Variants in SPRED3 observed in about 807,000 individuals in gnomAD.
SPRED3 encodes sprouty-related, EVH1 domain-containing protein 3.
SPRED3 carries 23 observed loss-of-function variants against 37.6 expected under a neutral mutation model. The ratio of observed to expected loss-of-function variants is 0.61; its 90% CI spans 0.44 to 0.87. The LOEUF (loss-of-function observed/expected upper bound fraction) is 0.87. Ranked by LOEUF, SPRED3 falls within the 40% of genes least tolerant of loss-of-function variation. The pLI, the probability that SPRED3 is intolerant of heterozygous loss-of-function variation, is 0.00. For synonymous variants in SPRED3, 302 were observed against 279.6 expected, an observed-to-expected ratio of 1.08 and a Z score of -0.80; for missense variants, 584 against 618.6, an observed-to-expected ratio of 0.94 and a Z score of 0.59.
At chr19:38,389,468 A>G (rs1478035237) in intron 1 of SPRED3, 1 of 139,584 alleles carries the variant, frequency 7.2e-6, no homozygotes, top group African/African-American at 2.7e-5. Flanking sequence ...GGCGGGGTAA[A>G]ATGGTTCTGA....
intron 1 of SPRED3, among the ~76,000 whole-genome samples, chr19:38,389,075 C>T (rs1320184264): frequency 1.3e-5 from 2 of 152,236 alleles, no homozygotes; most frequent in Non-Finnish European, 2.9e-5. Flanking sequence ...GGACCACTCC[C>T]CCCGGGGGAC....
chr19:38,394,590 G>T, intron 4 of SPRED3, 53 bp from the exon 5 acceptor site: 1 of 1,556,108 alleles, frequency 6.4e-7, no homozygotes, highest in Non-Finnish European at 8.7e-7. Flanking sequence ...CTATGTGAGG[G>T]CATCGGCTGT....
chr19:38,394,424 T>C, intron 4 of SPRED3: 4 of 1,500,372 alleles, frequency 2.7e-6, no homozygotes, highest in Non-Finnish European at 3.7e-6. Context: ...TCCTTATGAA[T>C]AGGTACTCTT....
intron 1 of SPRED3, chr19:38,389,791 G>GC (rs1970803323): frequency 1.0e-5 from 1 of 98,506 alleles, no homozygotes; most frequent in Admixed American, 1.1e-4. Context: ...GGGTGGGGGG[G>GC]AAAGAGCCTG....
At position 38,391,993 on chromosome 19, in the gene SPRED3, G is replaced by A. The variant is rs1970838047; in HGVS notation, c.225G>A (p.Val75=). 1 of 1,614,162 alleles carries A rather than the reference G, an allele frequency of 6.2e-7. No individual in the cohort carries two copies. The highest frequency in any genetic ancestry group is 8.5e-7 in the Non-Finnish European group (1 of 1,180,034). Residue 75 remains valine, a synonymous_variant, in exon 3 of 6, where the codon GTG becomes GTA. Transcript: ENST00000691638. ...AGCCAGGCTTGGTTTACAACAAGGT[G>A]AATCCCATCTTTCACCACTGGAGCC... ...TLKPGLVYNK[V]NPIFHHWSLG...
chr19:38,395,385 A>T lies in SPRED3; in HGVS notation c.568-95A>T. 1 of 1,232,460 alleles carries T rather than the reference A, an allele frequency of 8.1e-7. No homozygotes were observed. Among genetic ancestry groups the T allele is most frequent in the Non-Finnish European group, 1.1e-6 (1 of 937,078 alleles). The allele number at this position is 1,232,460 out of a possible 1,614,324, so 76.3% of individuals were successfully genotyped here. A position where few individuals can be genotyped will look rare whatever the true frequency, so the allele number is the denominator to read the frequency against. ...GAGAGAAGCAAGCTGGGGTCTTGAA[A>T]ATCTGAATCCCAGACCCAAGAGTGC... On this transcript the variant is annotated intron_variant, in intron 5 of 5. Transcript: ENST00000691638. The surrounding 1 kb of genome is among the most constrained non-coding windows in gnomAD (Gnocchi z 5.2).
intron 5 of SPRED3, 121 bp downstream of exon 5, chr19:38,394,907 T>A: frequency 7.6e-7 from 1 of 1,319,484 alleles, no homozygotes; most frequent in Non-Finnish European, 1.0e-6. Flanking sequence ...GCTGACCTGA[T>A]AACTGGGCCG....
chr19:38,390,474 C>T lies in SPRED3; in HGVS notation c.172C>T (p.Gln58Ter). ...YVIHGERLRD[Q>*]KTTLECTLKP... ...CATCCACGGGGAACGCCTCCGGGAC[C>T]AGAAAGTGAGCCACCCTGGGGCATG... is the stretch of plus-strand genomic sequence containing the variant. The change falls in exon 2 of 6, where the codon CAG becomes TAG. Residue 58 changes from glutamine (Q) to a stop codon, truncating the protein, a stop_gained. Coordinates refer to ENST00000691638, the MANE Select transcript of SPRED3 (RefSeq NM_001394336.1). LOFTEE classifies it high-confidence loss of function. 7.4e-7 allele frequency: 1 copy of T among 1,352,358 alleles called. No homozygotes were observed. The highest frequency in any genetic ancestry group is 9.5e-7 in the Non-Finnish European group (1 of 1,048,014). The allele number at this position is 1,352,358 out of a possible 1,614,324, so 83.8% of individuals were successfully genotyped here. A position where few individuals can be genotyped will look rare whatever the true frequency, so the allele number is the denominator to read the frequency against.
At chr19:38,394,334 C>T (rs1467760183) in intron 4 of SPRED3, 1 of 1,512,648 alleles carries the variant, frequency 6.6e-7, no homozygotes, top group Non-Finnish European at 9.0e-7. Context: ...AGAAGAGTCC[C>T]ACAAAAATAA....
Position 38,396,617 on chromosome 19 carries a change from A to C in SPRED3, c.*472A>C, listed in dbSNP as rs1365966105. 2 of 152,510 alleles carry C rather than the reference A, an allele frequency of 1.3e-5. No homozygotes were observed. Among genetic ancestry groups the C allele is most frequent in the Non-Finnish European group, 2.9e-5 (2 of 68,314 alleles). 9.4% of individuals were successfully genotyped at this position (152,510 alleles called of 1,614,324 possible). On this transcript the variant is annotated 3_prime_UTR_variant, in exon 6 of 6. Transcript: ENST00000691638. ...CCAGATCAGATCTTGAGACCATAGG[A>C]CCTGGAGTCACCCACAAACAGTTCC...
intron 4 of SPRED3, chr19:38,394,416 C>A: frequency 6.5e-7 from 1 of 1,532,452 alleles, no homozygotes; most frequent in Non-Finnish European, 9.0e-7. Context: ...TAACCGCATC[C>A]TTATGAATAG....
intron 1 of SPRED3, among the ~76,000 whole-genome samples, chr19:38,389,361 T>C (rs1178818337): frequency 1.3e-5 from 2 of 151,556 alleles, no homozygotes; most frequent in Non-Finnish European, 2.9e-5. Flanking sequence ...TCCGGGTCCC[T>C]AAGGTTGGGA....
Position 38,390,418 on chromosome 19 carries a change from C to A in SPRED3, c.116C>A (p.Pro39His). 1 of 1,391,626 alleles carries A rather than the reference C, an allele frequency of 7.2e-7. No individual in the cohort carries two copies. Among genetic ancestry groups the A allele is most frequent in the Non-Finnish European group, 9.3e-7 (1 of 1,070,456 alleles). 86.2% of individuals were successfully genotyped at this position (1,391,626 alleles called of 1,614,324 possible). ...GTGTGTCGGGTCCGAGGGGCCAGGC[C>A]CGAGGGGGGGGCCCGCCAGGGGCAC... ...VSVCRVRGAR[P>H]EGGARQGHYV... The change falls in exon 2 of 6, where the codon CCC becomes CAC. Residue 39 changes from proline to histidine, a missense_variant. This residue lies in a region of SPRED3 where 88 missense variants were observed against 77.0 expected (regional missense o/e 1.14). Coordinates refer to ENST00000691638, the MANE Select transcript of SPRED3 (RefSeq NM_001394336.1).
In SPRED3 at chr19:38,395,532, TG is replaced by T; in HGVS notation, c.622del (p.Ala208GlnfsTer40). The T allele has an allele frequency of 6.5e-7, 1 of 1,543,806 alleles. No homozygotes were observed. The highest frequency in any genetic ancestry group is 8.7e-7 in the Non-Finnish European group (1 of 1,150,506). On this transcript the variant is annotated frameshift_variant, in exon 6 of 6. Transcript: ENST00000691638. LOFTEE classifies it high-confidence loss of function. This position sits in a 1 kb window ranked among gnomAD's most constrained non-coding sequence, Gnocchi z 5.2. Reference protein sequence around the residue: ...FTGIPEPSEPLAGAGGLGWGG... With the variant: ...FTGIPEPSEPXAGAGGLGWGG... The stretch of plus-strand genomic sequence containing the variant: ...GGGATTCCGGAACCCTCAGAGCCCC[TG>T]GCAGGGGCAGGGGGCCTGGGGTGGG...
In SPRED3 at chr19:38,394,720, C is replaced by T; in HGVS notation, c.501C>T (p.Ile167=). 6.3e-7 allele frequency: 1 copy of T among 1,593,304 alleles called. No homozygotes were observed. The highest frequency in any genetic ancestry group is 8.5e-7 in the Non-Finnish European group (1 of 1,172,426). The change falls in exon 5 of 6, where the codon ATC becomes ATT. Residue 167 remains isoleucine, a synonymous_variant. Coordinates refer to ENST00000691638, the MANE Select transcript of SPRED3 (RefSeq NM_001394336.1). ...CCAGCGCCGCTGCGGCCCCCATCAT[C>T]ACGATGGAGTCAGCTTCAGGCTTCG... The part of the protein sequence containing the change: ...TPPSAAAAPI[I]TMESASGFGP...
At chr19:38,390,650 A>G (rs1970818224) in intron 2 of SPRED3, among the ~76,000 whole-genome samples, 171 bp downstream of exon 2, 1 of 151,826 alleles carries the variant, frequency 6.6e-6, no homozygotes, top group African/African-American at 2.4e-5. Flanking sequence ...TGCAGGATAC[A>G]TGGGGTGTTT....
Position 38,392,024 on chromosome 19 carries a change from G to A in SPRED3, c.256G>A (p.Asp86Asn), listed in dbSNP as rs755102094. 1 of 1,614,236 alleles carries A rather than the reference G, an allele frequency of 6.2e-7. No individual in the cohort carries two copies. The change falls in exon 3 of 6, where the codon GAC becomes AAC. Residue 86 changes from aspartate (D) to asparagine (N), a missense_variant. This residue lies in a region of SPRED3 where 9 missense variants were observed against 27.0 expected (regional missense o/e 0.33). Transcript: ENST00000691638. The part of the protein sequence containing the change: ...NPIFHHWSLG[D>N]CKFGLTFQSP... ...CATCTTTCACCACTGGAGCCTGGGTGACTGCAAGTTTGGACTGACGTTTCA... is the reference window on the plus strand; with the variant it reads ...CATCTTTCACCACTGGAGCCTGGGTAACTGCAAGTTTGGACTGACGTTTCA...
Position 38,396,041 on chromosome 19 carries a change from G to A in SPRED3, c.1129G>A (p.Val377Met). The change falls in exon 6 of 6, where the codon GTG (valine) becomes ATG (methionine). Residue 377 changes from valine (V) to methionine (M), a missense_variant. Around this residue, in one of 7 missense-constraint regions of SPRED3, gnomAD observed 85 missense variants for 117.8 expected, o/e 0.72. Coordinates refer to ENST00000691638, the MANE Select transcript of SPRED3 (RefSeq NM_001394336.1). Reference protein sequence around the residue: ...WAALAALSLAVPCLCCYAPLR... With the variant: ...WAALAALSLAMPCLCCYAPLR... ...CGCGCTGGCCGCGCTCTCCCTGGCA[G>A]TGCCCTGCCTCTGCTGCTACGCGCC... 1 of 1,367,892 alleles carries A rather than the reference G, an allele frequency of 7.3e-7. No homozygotes were observed. Among genetic ancestry groups the A allele is most frequent in the Non-Finnish European group, 9.4e-7 (1 of 1,068,926 alleles). 84.7% of individuals were successfully genotyped at this position (1,367,892 alleles called of 1,614,324 possible).
At position 38,392,212 on chromosome 19, in the gene SPRED3, G is replaced by C. The variant is rs1237776537; in HGVS notation, c.347G>C (p.Gly116Ala). 2.5e-6 allele frequency: 4 copies of C among 1,598,196 alleles called. No individual in the cohort carries two copies. The East Asian group carries it at 6.7e-5, about 27-fold the overall frequency. ...CTCTCTGCCTCTCTCCCTGCCCCAG[G>C]CTCACTCACCCCCTCCTCCTCCTCC... ...LLAALAALGR[G>A]SLTPSSSSSS... Residue 116 changes from glycine to alanine, a missense_variant and splice_region_variant, in exon 4 of 6, where the codon GGC (glycine) becomes GCC (alanine). Physicochemically the swap from Gly to Ala is moderately conservative, Grantham distance 60. This residue lies in a region of SPRED3 where 310 missense variants were observed against 281.1 expected (regional missense o/e 1.10). Transcript: ENST00000691638.
Sources: gnomAD v4.1 joint callset for allele counts (sites outside exome capture counted in the v4.1 genomes callset) on GRCh38, gnomAD v4.1.1 for gene constraint, gnomAD v4.1.1 regional missense constraint, Gnocchi (gnomAD v3.1) non-coding constraint, MANE v1.5 for transcripts, NCBI Gene and HGNC (gene_info 2026-07-23, HGNC 2026-07-21) for gene names.